KCNT2: variants seen among roughly 807,000 people sequenced by gnomAD.
The protein encoded by KCNT2 is potassium sodium-activated channel subfamily T member 2.
A neutral mutation model predicts 153.8 loss-of-function variants in KCNT2; 67 were observed. The observed-to-expected ratio is 0.44, with a 90% CI of 0.36 to 0.53. KCNT2 has a LOEUF of 0.53. Ranked by LOEUF, KCNT2 falls within the 20% of genes least tolerant of loss-of-function variation. The pLI, the probability that KCNT2 is intolerant of heterozygous loss-of-function variation, is 0.00. For missense variants in KCNT2, 975 were observed against 1,354.8 expected, an observed-to-expected ratio of 0.72 and a Z score of 4.40; for synonymous variants, 500 against 458.8, an observed-to-expected ratio of 1.09 and a Z score of -1.15.
At chr1:196,538,318 G>A (rs1375489290) in intron 1 of KCNT2, among the ~76,000 whole-genome samples, 1 of 152,060 alleles carries the variant, frequency 6.6e-6, no homozygotes, top group African/African-American at 2.4e-5. Context: ...AAATCAGCAT[G>A]GACCAAAGGC....
intron 22 of KCNT2, among the ~76,000 whole-genome samples, chr1:196,304,465 T>C (rs1477336891): frequency 2.0e-5 from 3 of 152,142 alleles, no homozygotes; most frequent in Admixed American, 6.6e-5. Flanking sequence ...GGAATCCTCC[T>C]GTCTCAGCTT....
chr1:196,371,967 T>C (rs1381520045), intron 14 of KCNT2, among the ~76,000 whole-genome samples: 2 of 152,072 alleles, frequency 1.3e-5, no homozygotes, highest in Non-Finnish European at 2.9e-5. Context: ...CTTGATGAGT[T>C]CTATGAATGT....
intron 12 of KCNT2, among the ~76,000 whole-genome samples, chr1:196,405,564 T>G (rs1161626484): frequency 6.6e-6 from 1 of 151,532 alleles, no homozygotes; most frequent in East Asian, 1.9e-4. Context: ...CTCAGACATT[T>G]TAGATGAAAT....
chr1:196,393,643 A>G (rs1572285733), intron 13 of KCNT2, among the ~76,000 whole-genome samples: 1 of 151,398 alleles, frequency 6.6e-6, no homozygotes, highest in South Asian at 2.1e-4. Flanking sequence ...AATGCACAAC[A>G]GAGAAGAAAA....
At chr1:196,603,376 T>A (rs1030697060) in intron 1 of KCNT2, among the ~76,000 whole-genome samples, 33 of 152,260 alleles carry the variant, frequency 2.2e-4, no homozygotes, top group African/African-American at 7.9e-4. Flanking sequence ...TTATAATAAA[T>A]GGCTGTTTTT....
intron 1 of KCNT2, among the ~76,000 whole-genome samples, chr1:196,521,846 C>G (rs1572713121): frequency 1.3e-5 from 2 of 152,094 alleles, no homozygotes; most frequent in Non-Finnish European, 2.9e-5. Flanking sequence ...CTATTGGGTA[C>G]TAGCCTTAGT....
intron 25 of KCNT2, among the ~76,000 whole-genome samples, chr1:196,275,336 G>GC (rs1280956555): frequency 6.6e-6 from 1 of 151,702 alleles, no homozygotes; most frequent in Non-Finnish European, 1.5e-5. Context: ...TTATGAATGG[G>GC]CAGTTCCATC....
At chr1:196,515,428 A>G (rs1469405471) in intron 1 of KCNT2, among the ~76,000 whole-genome samples, 1 of 151,818 alleles carries the variant, frequency 6.6e-6, no homozygotes, top group African/African-American at 2.4e-5. Context: ...TTATGAAAAT[A>G]TGCATATTTC....
At chr1:196,483,311 C>T (rs1396474620) in intron 3 of KCNT2, among the ~76,000 whole-genome samples, 1 of 152,124 alleles carries the variant, frequency 6.6e-6, no homozygotes. Context: ...TGCTTCTTTT[C>T]GTCTCTACTA....
intron 14 of KCNT2, among the ~76,000 whole-genome samples, chr1:196,366,853 A>C (rs1472428825): frequency 6.6e-6 from 1 of 152,210 alleles, no homozygotes; most frequent in African/African-American, 2.4e-5. Flanking sequence ...ATATTCAATA[A>C]CTAATTGCTA....
In KCNT2 at chr1:196,258,947, T is replaced by C. The variant is rs374259343; in HGVS notation, c.2911-453A>G. Among the ~76,000 whole-genome samples the C allele has an allele frequency of 4.6e-5, 7 of 152,288 alleles. No homozygotes were observed. In the East Asian group the frequency reaches 9.6e-4, roughly 21 times the overall value. Reference sequence around the variant, plus strand: ...AACTATCTTAGATTTGGAATTAATGTTGTTTTTAAATTATTGCTTTTTCTA... The same window carrying C: ...AACTATCTTAGATTTGGAATTAATGCTGTTTTTAAATTATTGCTTTTTCTA... On this transcript the variant is annotated intron_variant, in intron 25 of 27. Coordinates refer to ENST00000294725, the MANE Select transcript of KCNT2 (RefSeq NM_198503.5).
chr1:196,299,604 A>G (rs948911066), intron 22 of KCNT2, among the ~76,000 whole-genome samples: 1 of 152,086 alleles, frequency 6.6e-6, no homozygotes, highest in African/African-American at 2.4e-5. Context: ...AAAATAACAA[A>G]TGCTAGCAAG....
chr1:196,329,140 C>T (rs1343068112), intron 18 of KCNT2, among the ~76,000 whole-genome samples: 1 of 151,934 alleles, frequency 6.6e-6, no homozygotes, highest in Non-Finnish European at 1.5e-5. Context: ...GGACACCAGC[C>T]CCACTGATAC....
At chr1:196,386,364 A>G (rs530227421) in intron 13 of KCNT2, among the ~76,000 whole-genome samples, 2 of 152,294 alleles carry the variant, frequency 1.3e-5, no homozygotes, top group African/African-American at 4.8e-5. Context: ...TGGGATAGTT[A>G]TGCAGCAATA....
In KCNT2 at chr1:196,459,304, C is replaced by A. The variant is rs770911128; in HGVS notation, c.638+5989G>T. Among the ~76,000 whole-genome samples, 5 of 151,316 alleles carry A rather than the reference C, an allele frequency of 3.3e-5. No homozygotes were observed. In the East Asian group the frequency reaches 5.9e-4, roughly 18 times the overall value. On this transcript the variant is annotated intron_variant, in intron 8 of 27. Transcript: ENST00000294725. ...ATGCCCTATCCTGTGCCCTAATGTA[C>A]AAACATGGATTTTCTTTATTTCAAA...
chr1:196,502,093 GGTGACA>G (rs946623998), intron 1 of KCNT2, among the ~76,000 whole-genome samples: 3 of 152,128 alleles, frequency 2.0e-5, no homozygotes, highest in Non-Finnish European at 4.4e-5. Flanking sequence ...CTACAGCCCA[GGTGACA>G]GAGCAAGACT....
At chr1:196,260,416 A>T (rs1406874466) in intron 25 of KCNT2, among the ~76,000 whole-genome samples, 1 of 151,894 alleles carries the variant, frequency 6.6e-6, no homozygotes, top group Non-Finnish European at 1.5e-5. Flanking sequence ...CATCTACAAG[A>T]TGAACTGAAA....
At chr1:196,282,235 A>G in intron 24 of KCNT2, 38 bp downstream of exon 24, 3 of 1,138,670 alleles carry the variant, frequency 2.6e-6, no homozygotes, top group Non-Finnish European at 4.0e-6. Flanking sequence ...AGAACCTTCT[A>G]TCACAACTAT....
chr1:196,496,884 C>T (rs1031147467), intron 1 of KCNT2, among the ~76,000 whole-genome samples: 1 of 152,216 alleles, frequency 6.6e-6, no homozygotes, highest in Non-Finnish European at 1.5e-5. Flanking sequence ...AGAAAACCCA[C>T]GCAGACATGG....
Sources: allele counts gnomAD v4.1 joint callset (sites outside exome capture counted in the v4.1 genomes callset), GRCh38; gene constraint gnomAD v4.1.1; transcripts MANE v1.5; gene names NCBI Gene and HGNC (gene_info 2026-07-23, HGNC 2026-07-21).